CTNNA3: variants seen among roughly 807,000 people sequenced by gnomAD.
CTNNA3 encodes catenin alpha 3.
A neutral mutation model predicts 95.7 loss-of-function variants in CTNNA3; 76 were observed. The observed-to-expected ratio is 0.79, with a 90% CI of 0.66 to 0.96. The LOEUF (loss-of-function observed/expected upper bound fraction) is 0.96. CTNNA3 is among the 40% of genes least tolerant of loss of function. The pLI is 0.00. For synonymous variants in CTNNA3, 431 were observed against 374.4 expected, an observed-to-expected ratio of 1.15 and a Z score of -1.74; for missense variants, 1,191 against 1,089.8, an observed-to-expected ratio of 1.09 and a Z score of -1.31.
At chr10:66,930,077 G>T (rs1269867156) in intron 7 of CTNNA3, among the ~76,000 whole-genome samples, 1 of 152,020 alleles carries the variant, frequency 6.6e-6, no homozygotes, top group Non-Finnish European at 1.5e-5. Context: ...TTGTTTGGGG[G>T]TTTTTCATAT....
At chr10:67,559,668 T>C (rs10997715) in intron 3 of CTNNA3, among the ~76,000 whole-genome samples, 19,679 of 151,956 alleles carry the variant, frequency 0.13, 1,577 homozygotes, top group East Asian at 0.3. Flanking sequence ...GAGAGAAGGC[T>C]TCAGACGATC....
At chr10:66,186,898 G>T (rs1248815961) in intron 13 of CTNNA3, among the ~76,000 whole-genome samples, 1 of 152,092 alleles carries the variant, frequency 6.6e-6, no homozygotes, top group African/African-American at 2.4e-5. Flanking sequence ...AATTATATAG[G>T]TAATGTTTAT....
chr10:66,275,736 C>T (rs1589913339), intron 13 of CTNNA3, among the ~76,000 whole-genome samples: 2 of 151,974 alleles, frequency 1.3e-5, no homozygotes, highest in East Asian at 3.9e-4. Flanking sequence ...AAAAGTCTTT[C>T]CCTTTAGCAG....
chr10:65,943,793 T>G (rs543537067), intron 17 of CTNNA3, among the ~76,000 whole-genome samples: 3 of 152,302 alleles, frequency 2.0e-5, no homozygotes, highest in African/African-American at 7.2e-5. Flanking sequence ...AGCAAATTAT[T>G]AACCTTTCAT....
At chr10:66,534,920 C>T (rs1168014275) in intron 10 of CTNNA3, among the ~76,000 whole-genome samples, 2 of 151,940 alleles carry the variant, frequency 1.3e-5, no homozygotes, top group Non-Finnish European at 2.9e-5. Context: ...TAAATAATTA[C>T]AAACATTTCC....
At chr10:67,001,829 G>C (rs975904936) in intron 7 of CTNNA3, among the ~76,000 whole-genome samples, 1 of 152,140 alleles carries the variant, frequency 6.6e-6, no homozygotes, top group African/African-American at 2.4e-5. Context: ...TCTACTGACT[G>C]TATCTCTTCC....
intron 5 of CTNNA3, among the ~76,000 whole-genome samples, chr10:67,394,490 A>G (rs1844645165): frequency 6.6e-6 from 1 of 152,122 alleles, no homozygotes; most frequent in African/African-American, 2.4e-5. Context: ...AGTACCTGCC[A>G]CAGAGTTACC....
chr10:66,360,603 CTT>C (rs764377246), intron 12 of CTNNA3, among the ~76,000 whole-genome samples: 2 of 50,250 alleles, frequency 4.0e-5, no homozygotes, highest in East Asian at 8.8e-4. Context: ...TTCCTTCTTT[CTT>C]TCTTTCTTTC....
intron 3 of CTNNA3, among the ~76,000 whole-genome samples, chr10:67,579,125 G>C (rs1177150789): frequency 6.7e-6 from 1 of 148,330 alleles, no homozygotes; most frequent in Non-Finnish European, 1.5e-5. Context: ...ACATATGTAT[G>C]CATGTGCCAT....
intron 5 of CTNNA3, among the ~76,000 whole-genome samples, chr10:67,248,740 T>A (rs116108430): frequency 1.3e-5 from 2 of 152,140 alleles, no homozygotes; most frequent in Admixed American, 1.3e-4. Context: ...CAATTGGATA[T>A]ATACATGCAA....
chr10:66,230,704 T>C (rs2089543864), intron 13 of CTNNA3, among the ~76,000 whole-genome samples: 3 of 152,004 alleles, frequency 2.0e-5, no homozygotes, highest in Admixed American at 2.0e-4. Context: ...GATGGCCCCA[T>C]TTTGGATGAA....
At chr10:66,691,006 G>T (rs985427255) in intron 9 of CTNNA3, among the ~76,000 whole-genome samples, 2 of 152,270 alleles carry the variant, frequency 1.3e-5, no homozygotes, top group East Asian at 1.9e-4. Context: ...GAACAGCTCC[G>T]GTCTACAGCT....
chr10:66,085,823 G>A (rs989663532), intron 14 of CTNNA3, among the ~76,000 whole-genome samples: 2 of 151,796 alleles, frequency 1.3e-5, no homozygotes, highest in African/African-American at 4.8e-5. Context: ...CCTTCTATAT[G>A]CAATGGAAGT....
chr10:66,991,944 T>A (rs1225078046), intron 7 of CTNNA3, among the ~76,000 whole-genome samples: 1 of 152,156 alleles, frequency 6.6e-6, no homozygotes, highest in African/African-American at 2.4e-5. Context: ...CCTTCATACC[T>A]CCCCTTTCAG....
At chr10:67,604,146 C>T (rs1018606955) in intron 3 of CTNNA3, among the ~76,000 whole-genome samples, 1 of 152,152 alleles carries the variant, frequency 6.6e-6, no homozygotes, top group Admixed American at 6.5e-5. Flanking sequence ...TGTGTAAGTA[C>T]ACTCTATGAT....
intron 7 of CTNNA3, chr10:66,925,924 C>A: frequency 2.3e-6 from 1 of 434,116 alleles, no homozygotes; most frequent in South Asian, 1.6e-5. Context: ...CATTTTCCAG[C>A]AGAGAGCCTG....
chr10:67,687,715 G>T (rs911789662), intron 1 of CTNNA3, among the ~76,000 whole-genome samples: 1 of 152,116 alleles, frequency 6.6e-6, no homozygotes, highest in African/African-American at 2.4e-5. Context: ...CCCTCGAGTG[G>T]GTCGGGTGAC....
chr10:67,183,118 G>T (rs918004892), intron 6 of CTNNA3, among the ~76,000 whole-genome samples: 10 of 152,194 alleles, frequency 6.6e-5, no homozygotes, highest in Non-Finnish European at 1.3e-4. Flanking sequence ...AACCATCATG[G>T]AAGTCAGTGT....
intron 12 of CTNNA3, among the ~76,000 whole-genome samples, chr10:66,330,802 T>C (rs563339413): frequency 6.6e-6 from 1 of 151,984 alleles, no homozygotes; most frequent in Non-Finnish European, 1.5e-5. Context: ...GGTTTTCATT[T>C]GCATTTCTCT....
Sources: allele counts gnomAD v4.1 joint callset (sites outside exome capture counted in the v4.1 genomes callset), GRCh38; gene constraint gnomAD v4.1.1; transcripts MANE v1.5; gene names NCBI Gene and HGNC (gene_info 2026-07-23, HGNC 2026-07-21).